RNF144A: variants seen among roughly 807,000 people sequenced by gnomAD.
The protein encoded by RNF144A is ring finger protein 144A.
In RNF144A, 11 loss-of-function variants were observed where a neutral mutation model predicts 38.7. That is an observed-to-expected ratio of 0.28 (90% CI 0.18 to 0.47). RNF144A has a LOEUF of 0.47. Ranked by LOEUF, RNF144A falls within the 20% of genes least tolerant of loss-of-function variation. RNF144A has a pLI of 0.99. For missense variants in RNF144A, 316 were observed against 377.2 expected (o/e 0.84, Z 1.34); for synonymous variants, 149 against 143.9 (o/e 1.04, Z -0.25).
chr2:7,039,983 C>T lies in RNF144A; in HGVS notation c.*223C>T, dbSNP rs1572464795. The T allele has an allele frequency of 1.5e-6, 2 of 1,337,424 alleles. No individual in the cohort carries two copies. The highest frequency in any genetic ancestry group is 1.9e-6 in the Non-Finnish European group (2 of 1,041,768). 82.8% of individuals were successfully genotyped at this position (1,337,424 alleles called of 1,614,324 possible). On this transcript the variant is annotated 3_prime_UTR_variant, in exon 9 of 9. Coordinates refer to ENST00000320892, the MANE Select transcript of RNF144A (RefSeq NM_014746.6). Reference sequence around the variant, plus strand: ...AGGCAGGTGTGGGTAGCGCACATCCCCACAGATCAATCTCTGCAGATGACA... The same window carrying T: ...AGGCAGGTGTGGGTAGCGCACATCCTCACAGATCAATCTCTGCAGATGACA...
the RNF144A span, among the ~76,000 whole-genome samples, chr2:7,076,297 A>G: frequency 2.7e-3 from 405 of 152,368 alleles, 2 homozygotes; most frequent in African/African-American, 9.4e-3. Context: ...TTACTTTACT[A>G]GAAATTATTT....
chr2:6,935,343 T>A (rs1389827195), intron 1 of RNF144A, among the ~76,000 whole-genome samples: 1 of 152,202 alleles, frequency 6.6e-6, no homozygotes. Context: ...ACCCAGTTCT[T>A]CTAAAATCTG....
chr2:7,062,398 T>C (rs111436886), intron 6 of RNF144A, among the ~76,000 whole-genome samples: 1,739 of 151,282 alleles, frequency 0.011, 13 homozygotes, highest in Non-Finnish European at 0.015. Flanking sequence ...ACATTCTTCC[T>C]CTAGCTGGGA....
rs1438914979 is a variant in RNF144A at position 7,039,701 on chromosome 2, T to C, written c.820T>C (p.Phe274Leu). The C allele has an allele frequency of 6.2e-6, 10 of 1,613,998 alleles. No individual in the cohort carries two copies. Among genetic ancestry groups the C allele is most frequent in the Non-Finnish European group, 7.6e-6 (9 of 1,180,008 alleles). ...ASPFLLLATP[F>L]VLCCKCKCSK... Reference sequence around the variant, plus strand: ...ACCTTTCCTACTCCTGGCCACTCCCTTTGTACTTTGCTGCAAGTGCAAGTG... The same window carrying C: ...ACCTTTCCTACTCCTGGCCACTCCCCTTGTACTTTGCTGCAAGTGCAAGTG... Residue 274 changes from phenylalanine to leucine, a missense_variant, in exon 9 of 9, where the codon TTT becomes CTT. By Grantham distance (22) the Phe-to-Leu change is conservative. Coordinates refer to ENST00000320892, the MANE Select transcript of RNF144A (RefSeq NM_014746.6).
chr2:7,007,766 C>T (rs1447309271), intron 3 of RNF144A, among the ~76,000 whole-genome samples: 1 of 152,152 alleles, frequency 6.6e-6, no homozygotes, highest in Non-Finnish European at 1.5e-5. Context: ...GTGATGAAGC[C>T]GTGGCTGGGT....
At position 6,960,575 on chromosome 2, in the gene RNF144A, C is replaced by T. The variant is rs986005739; in HGVS notation, c.-12+19428C>T. 6.6e-5 allele frequency among the ~76,000 whole-genome samples: 10 copies of T among 152,156 alleles called. No homozygotes were observed. In the East Asian group the frequency reaches 1.2e-3, roughly 18 times the overall value. The stretch of plus-strand genomic sequence containing the variant: ...ATTGAAGGAGAAATTAATCACGACT[C>T]GGAAGTATTGGTGTGTAGAGAGAAG... On this transcript the variant is annotated intron_variant, in intron 2 of 8. Transcript: ENST00000320892.
At chr2:7,014,828 A>C in intron 5 of RNF144A, 56 bp downstream of exon 5, 1 of 1,294,716 alleles carries the variant, frequency 7.7e-7, no homozygotes, top group African/African-American at 1.5e-5. Flanking sequence ...AATGTGGATA[A>C]TTTTGTGGGG....
intron 7 of RNF144A, among the ~76,000 whole-genome samples, chr2:7,026,309 A>G (rs186436416): frequency 1.5e-3 from 236 of 152,308 alleles, no homozygotes; most frequent in Admixed American, 2.5e-3. Context: ...CATCTGGGTA[A>G]AATGTCACCA....
intron 1 of RNF144A, among the ~76,000 whole-genome samples, chr2:6,937,167 G>A (rs1248054323): frequency 6.6e-6 from 1 of 152,182 alleles, no homozygotes; most frequent in East Asian, 1.9e-4. Context: ...AGTATATGAA[G>A]AACAATTCTT....
In RNF144A at chr2:7,040,301, T is replaced by A; in HGVS notation, c.*541T>A. ...AAATCAACAAGGTGCATATAAACCA[T>A]CCTATGCCTTTCTTGAAATGTGCAT... On this transcript the variant is annotated 3_prime_UTR_variant, in exon 9 of 9. Coordinates refer to ENST00000320892, the MANE Select transcript of RNF144A (RefSeq NM_014746.6). 3 of 985,630 alleles carry A rather than the reference T, an allele frequency of 3.0e-6. No individual in the cohort carries two copies. Among genetic ancestry groups the A allele is most frequent in the Non-Finnish European group, 3.6e-6 (3 of 830,086 alleles). 61.1% of individuals were successfully genotyped at this position (985,630 alleles called of 1,614,324 possible). A position where few individuals can be genotyped will look rare whatever the true frequency, so the allele number is the denominator to read the frequency against.
rs116052978 is a variant in RNF144A, at chr2:7,023,278, A to T, written c.510-1091A>T. ...CCAAGTGGAGGATTGTTCACTGCCA[A>T]TCATCAGACAGCTCCTACTAAAGTG... On this transcript the variant is annotated intron_variant, in intron 6 of 8. Transcript: ENST00000320892. Among the ~76,000 whole-genome samples, 1,039 of 152,318 alleles carry T rather than the reference A, an allele frequency of 6.8e-3. 17 individuals carry two copies. Among genetic ancestry groups the T allele is most frequent in the South Asian group, 0.018 (89 of 4,822 alleles).
intron 6 of RNF144A, among the ~76,000 whole-genome samples, chr2:7,053,286 T>TC (rs2103474619): frequency 6.6e-6 from 1 of 152,334 alleles, no homozygotes; most frequent in African/African-American, 2.4e-5. Context: ...TTTCAGAAGA[T>TC]CCCCAGGTGA....
At chr2:7,009,527 G>A (rs550356963) in intron 3 of RNF144A, among the ~76,000 whole-genome samples, 29 of 55,520 alleles carry the variant, frequency 5.2e-4, no homozygotes, top group African/African-American at 1.8e-3. Flanking sequence ...AAAGTCTGGG[G>A]CTTTTTTTTT....
intron 2 of RNF144A, among the ~76,000 whole-genome samples, chr2:6,990,336 CATTTAACCTTA>C (rs1669249993): frequency 6.6e-6 from 1 of 150,738 alleles, no homozygotes; most frequent in African/African-American, 2.4e-5. Context: ...CTTACGAGCT[CATTTAACCTTA>C]ATTTAACCTT....
intron 2 of RNF144A, among the ~76,000 whole-genome samples, chr2:6,942,521 C>T (rs926061737): frequency 1.3e-5 from 2 of 152,218 alleles, no homozygotes; most frequent in Non-Finnish European, 2.9e-5. Context: ...TGGCCACATT[C>T]TGGATAGTCT....
intron 6 of RNF144A, among the ~76,000 whole-genome samples, chr2:7,059,473 C>T (rs1258875086): frequency 6.6e-6 from 1 of 152,216 alleles, no homozygotes; most frequent in African/African-American, 2.4e-5. Context: ...CTTCCTGAGT[C>T]AGGCAGCAAG....
chr2:7,002,381 G>A (rs1314426009), intron 3 of RNF144A, among the ~76,000 whole-genome samples: 1 of 152,240 alleles, frequency 6.6e-6, no homozygotes, highest in South Asian at 2.1e-4. Flanking sequence ...TTTGGGGCTT[G>A]AAGGGCTAGA....
rs1341836708 is a variant in RNF144A, at chr2:7,041,086, A to G, written c.*1326A>G. 1.0e-6 allele frequency: 1 copy of G among 984,110 alleles called. No individual in the cohort carries two copies. Among genetic ancestry groups the G allele is most frequent in the East Asian group, 1.1e-4 (1 of 8,830 alleles). The allele number at this position is 984,110 out of a possible 1,614,324, so 61.0% of individuals were successfully genotyped here. A position where few individuals can be genotyped will look rare whatever the true frequency, so the allele number is the denominator to read the frequency against. On this transcript the variant is annotated 3_prime_UTR_variant, in exon 9 of 9. Transcript: ENST00000320892. Reference sequence around the variant, plus strand: ...TCTAAAAGCCACAGGTGCTTTTACAAAGCAAACTGCATTGAATTTAAAACT... The same window carrying G: ...TCTAAAAGCCACAGGTGCTTTTACAGAGCAAACTGCATTGAATTTAAAACT...
At chr2:6,947,459 A>G (rs1666411413) in intron 2 of RNF144A, among the ~76,000 whole-genome samples, 1 of 152,206 alleles carries the variant, frequency 6.6e-6, no homozygotes, top group African/African-American at 2.4e-5. Context: ...GGAGAATAAC[A>G]ATGGTAATAT....
Sources: allele counts gnomAD v4.1 joint callset (sites outside exome capture counted in the v4.1 genomes callset), GRCh38; gene constraint gnomAD v4.1.1; transcripts MANE v1.5; gene names NCBI Gene and HGNC (gene_info 2026-07-23, HGNC 2026-07-21).